NTN1: variants seen among roughly 807,000 people sequenced by gnomAD.
NTN1 encodes the protein netrin 1.
Under a neutral mutation model 54.2 loss-of-function variants are expected in NTN1, and 11 were observed. That is an observed-to-expected ratio of 0.20 (90% CI 0.13 to 0.34). NTN1 has a LOEUF of 0.34. NTN1 is among the 10% of genes least tolerant of loss of function. The pLI, the probability that NTN1 is intolerant of heterozygous loss-of-function variation, is 1.00. For missense variants in NTN1, 740 were observed against 893.1 expected, an observed-to-expected ratio of 0.83 and a Z score of 2.18; for synonymous variants, 371 against 382.0, an observed-to-expected ratio of 0.97 and a Z score of 0.33.
chr17:9,031,501 G>A (rs1012324078), intron 2 of NTN1, among the ~76,000 whole-genome samples: 1 of 152,144 alleles, frequency 6.6e-6, no homozygotes, highest in African/African-American at 2.4e-5. Flanking sequence ...GGCAGAATTA[G>A]CCCATGAGAT....
At chr17:9,057,869 A>G (rs2091984142) in intron 2 of NTN1, among the ~76,000 whole-genome samples, 1 of 152,212 alleles carries the variant, frequency 6.6e-6, no homozygotes, top group Non-Finnish European at 1.5e-5. Context: ...AAATTTTTAA[A>G]TGTTTCTCCC....
In NTN1 at chr17:9,241,859, CA is replaced by C. The variant is rs1276954339; in HGVS notation, c.*1892del. 1.3e-5 allele frequency: 2 copies of C among 152,396 alleles called. No individual in the cohort carries two copies. The highest frequency in any genetic ancestry group is 2.4e-5 in the African/African-American group (1 of 41,590). 9.4% of individuals were successfully genotyped at this position (152,396 alleles called of 1,614,324 possible). A position where few individuals can be genotyped will look rare whatever the true frequency, so the allele number is the denominator to read the frequency against. ...AAACTCCAGAGCCCGACTTTCTGAC[CA>C]GGGGCCACGCTGGCCCTCACTGCAC... is the stretch of plus-strand genomic sequence containing the variant. On this transcript the variant is annotated 3_prime_UTR_variant, in exon 7 of 7. Coordinates refer to ENST00000173229, the MANE Select transcript of NTN1 (RefSeq NM_004822.3).
chr17:9,193,935 A>AAAAC (rs1555574990), intron 5 of NTN1, among the ~76,000 whole-genome samples: 1 of 123,634 alleles, frequency 8.1e-6, no homozygotes, highest in Admixed American at 1.1e-4. Context: ...AAAAAAAAAA[A>AAAAC]AAAAAAAAAC....
rs147943415 is a variant in NTN1 at position 9,184,598 on chromosome 17, G to C, written c.1411+1629G>C. On this transcript the variant is annotated intron_variant, in intron 5 of 6. Coordinates refer to ENST00000173229, the MANE Select transcript of NTN1 (RefSeq NM_004822.3). ...GCGGGGGGCTGAGGCTTCCGAGCAG[G>C]GGCTGTGTGACAGCTCATGCAAGGG... Among the ~76,000 whole-genome samples the C allele has an allele frequency of 5.6e-3, 850 of 152,304 alleles. 6 individuals are homozygous for C. The highest frequency in any genetic ancestry group is 0.024 in the Middle Eastern group (7 of 294).
At chr17:9,120,063 G>A (rs1480872804) in intron 2 of NTN1, among the ~76,000 whole-genome samples, 3 of 151,998 alleles carry the variant, frequency 2.0e-5, no homozygotes, top group Non-Finnish European at 4.4e-5. Context: ...GGTGGATCAC[G>A]AGGTCAGGAG....
At chr17:9,061,472 A>G (rs1270471344) in intron 2 of NTN1, among the ~76,000 whole-genome samples, 2 of 151,962 alleles carry the variant, frequency 1.3e-5, no homozygotes, top group Non-Finnish European at 2.9e-5. Flanking sequence ...CAGGCTAAGG[A>G]AGGTGGGGTT....
intron 2 of NTN1, among the ~76,000 whole-genome samples, chr17:9,039,733 G>A (rs573659604): frequency 6.6e-6 from 1 of 152,208 alleles, no homozygotes; most frequent in Admixed American, 6.5e-5. Context: ...TGTGTAAATG[G>A]AATCATACGG....
intron 2 of NTN1, among the ~76,000 whole-genome samples, chr17:9,114,192 A>C (rs1235446601): frequency 8.1e-6 from 1 of 123,248 alleles, no homozygotes; most frequent in Admixed American, 8.0e-5. Flanking sequence ...TATATGATTC[A>C]GCTATTCAGA....
At chr17:9,003,901 C>T in the NTN1 span, among the ~76,000 whole-genome samples, 4 of 152,148 alleles carry the variant, frequency 2.6e-5, no homozygotes, top group Non-Finnish European at 5.9e-5. The surrounding 1 kb of genome is among the most constrained non-coding windows in gnomAD (Gnocchi z 7.4). Flanking sequence ...CCCGCCGGCT[C>T]CTCTGGCCAT....
intron 2 of NTN1, among the ~76,000 whole-genome samples, chr17:9,147,389 C>T (rs1021526226): frequency 3.3e-5 from 5 of 152,138 alleles, no homozygotes; most frequent in Non-Finnish European, 7.4e-5. Context: ...GTGGCGGGCA[C>T]CTGTAGTCCC....
At chr17:9,178,294 G>A (rs1354459418) in intron 3 of NTN1, among the ~76,000 whole-genome samples, 1 of 152,198 alleles carries the variant, frequency 6.6e-6, no homozygotes, top group Non-Finnish European at 1.5e-5. Flanking sequence ...AGCCCTGTAG[G>A]CTGCCCCCGT....
At chr17:9,038,208 ACT>A (rs55729025) in intron 2 of NTN1, among the ~76,000 whole-genome samples, 4 of 148,052 alleles carry the variant, frequency 2.7e-5, no homozygotes, top group African/African-American at 7.6e-5. Context: ...TGTCTATCGG[ACT>A]CTCTCTCTCT....
At chr17:9,016,720 T>G (rs1288418389), upstream of NTN1, among the ~76,000 whole-genome samples, 2 of 152,210 alleles carry the variant, frequency 1.3e-5, no homozygotes, top group Non-Finnish European at 1.5e-5. Context: ...ATTGTCGCCC[T>G]GGCCCATCAT....
At chr17:9,177,187 A>G (rs372167809) in intron 3 of NTN1, 9 of 152,338 alleles carry the variant, frequency 5.9e-5, no homozygotes, top group African/African-American at 2.2e-4. Context: ...GCTCATGTTG[A>G]ACCAAAGAGT....
chr17:9,191,099 T>TTGATG (rs1406682746), intron 5 of NTN1, among the ~76,000 whole-genome samples: 1 of 152,198 alleles, frequency 6.6e-6, no homozygotes, highest in African/African-American at 2.4e-5. Context: ...CAATGTAATA[T>TTGATG]TGATGTGAGG....
At chr17:9,063,586 C>T (rs2092005587) in intron 2 of NTN1, among the ~76,000 whole-genome samples, 1 of 150,162 alleles carries the variant, frequency 6.7e-6, no homozygotes, top group Non-Finnish European at 1.5e-5. Flanking sequence ...GTCTTGCTGT[C>T]TCCCAGGCCG....
intron 2 of NTN1, among the ~76,000 whole-genome samples, chr17:9,113,022 T>A (rs538272129): frequency 1.4e-5 from 2 of 145,142 alleles, no homozygotes; most frequent in South Asian, 4.5e-4. Context: ...ATACAGAATT[T>A]TTTTTATTTT....
At chr17:9,026,395 G>GGGC (rs2091870806) in intron 2 of NTN1, among the ~76,000 whole-genome samples, 1 of 148,716 alleles carries the variant, frequency 6.7e-6, no homozygotes, top group Admixed American at 6.6e-5. Context: ...TTCTTCCGGG[G>GGGC]GGGGGGAACA....
chr17:9,085,812 G>A (rs1476718343), intron 2 of NTN1, among the ~76,000 whole-genome samples: 1 of 152,140 alleles, frequency 6.6e-6, no homozygotes, highest in African/African-American at 2.4e-5. Context: ...GAGCATTCAA[G>A]GCGCTGGGGA....
Sources: gnomAD v4.1 joint callset for allele counts (sites outside exome capture counted in the v4.1 genomes callset) on GRCh38, gnomAD v4.1.1 for gene constraint, Gnocchi (gnomAD v3.1) non-coding constraint, MANE v1.5 for transcripts, NCBI Gene and HGNC (gene_info 2026-07-23, HGNC 2026-07-21) for gene names.